Variants in IL1RL2 observed in about 807,000 individuals in gnomAD.
The protein encoded by IL1RL2 is interleukin-1 receptor-like 2.
Under a neutral mutation model 66.8 loss-of-function variants are expected in IL1RL2, and 68 were observed. The ratio of observed to expected loss-of-function variants is 1.02; its 90% confidence interval spans 0.84 to 1.25. The LOEUF (loss-of-function observed/expected upper bound fraction) is 1.25. Among genes scored for constraint, IL1RL2 ranks in the 50% most tolerant of loss-of-function variants. The pLI, the probability that IL1RL2 is intolerant of heterozygous loss-of-function variation, is 0.00. For missense variants in IL1RL2, 729 were observed against 709.3 expected, an observed-to-expected ratio of 1.03 and a Z score of -0.32; for synonymous variants, 305 against 264.6, an observed-to-expected ratio of 1.15 and a Z score of -1.48.
At chr2:102,192,899 T>C (rs1468822737) in intron 4 of IL1RL2, among the ~76,000 whole-genome samples, 2 of 152,214 alleles carry the variant, frequency 1.3e-5, no homozygotes, top group East Asian at 3.8e-4. Flanking sequence ...GTGAGTTTGG[T>C]AAGATTTTGT....
chr2:102,221,963 C>T (rs1690178188), intron 8 of IL1RL2, among the ~76,000 whole-genome samples: 1 of 151,960 alleles, frequency 6.6e-6, no homozygotes, highest in South Asian at 2.1e-4. Flanking sequence ...GAAACTACCA[C>T]CTGGATTAAG....
At position 102,189,224 on chromosome 2, in the gene IL1RL2, A is replaced by G. The variant is rs758252480; in HGVS notation, c.207A>G (p.Ile69Met). 2.5e-6 allele frequency: 4 copies of G among 1,614,120 alleles called. No individual in the cohort carries two copies. The South Asian group carries it at 3.3e-5, about 13-fold the overall frequency. ...NSSKIPVSKI[I>M]QSRIHQDETW... Reference sequence around the variant, plus strand: ...GCAAAATCCCAGTGTCCAAAATCATACAGTCTAGAATTCACCAGGACGAGA... The same window carrying G: ...GCAAAATCCCAGTGTCCAAAATCATGCAGTCTAGAATTCACCAGGACGAGA... The change falls in exon 3 of 12, where the codon ATA becomes ATG. Residue 69 changes from isoleucine to methionine, a missense_variant. Coordinates refer to ENST00000264257, the MANE Select transcript of IL1RL2 (RefSeq NM_003854.4).
intron 3 of IL1RL2, among the ~76,000 whole-genome samples, chr2:102,190,054 C>A (rs1279410307): frequency 6.6e-6 from 1 of 152,186 alleles, no homozygotes; most frequent in Non-Finnish European, 1.5e-5. Context: ...CTGCTTAAGG[C>A]AGGGAGTAAG....
At chr2:102,212,030 T>A in intron 5 of IL1RL2, 70 bp from the exon 6 acceptor site, 1 of 1,110,058 alleles carries the variant, frequency 9.0e-7, no homozygotes, top group Non-Finnish European at 1.4e-6. Flanking sequence ...CTTCATGCTA[T>A]TACATCAAAG....
chr2:102,227,341 G>T (rs1311479770), intron 9 of IL1RL2, among the ~76,000 whole-genome samples: 1 of 152,196 alleles, frequency 6.6e-6, no homozygotes, highest in Non-Finnish European at 1.5e-5. Flanking sequence ...TCAAGTGCTT[G>T]CTTTGCACAT....
intron 9 of IL1RL2, among the ~76,000 whole-genome samples, chr2:102,226,790 G>A (rs192843799): frequency 1.1e-3 from 162 of 152,180 alleles, no homozygotes; most frequent in African/African-American, 3.9e-3. Flanking sequence ...AAGAAAGAAG[G>A]AAGGGAAGAA....
intron 9 of IL1RL2, among the ~76,000 whole-genome samples, chr2:102,229,922 G>T (rs561929705): frequency 6.6e-6 from 1 of 152,162 alleles, no homozygotes; most frequent in South Asian, 2.1e-4. Flanking sequence ...GGGAACATTC[G>T]CAAAAGAGAG....
intron 9 of IL1RL2, among the ~76,000 whole-genome samples, chr2:102,227,381 GT>G (rs1174445421): frequency 1.3e-5 from 2 of 151,882 alleles, no homozygotes; most frequent in East Asian, 3.9e-4. Flanking sequence ...TTGCCCACAT[GT>G]TTGATAAAAC....
chr2:102,242,347 G>A (rs557011151), downstream of IL1RL2, among the ~76,000 whole-genome samples: 1 of 152,204 alleles, frequency 6.6e-6, no homozygotes, highest in African/African-American at 2.4e-5. Flanking sequence ...GGGTTTTCTA[G>A]AGAAACAGAA....
In IL1RL2 at chr2:102,189,270, A is replaced by G. The variant is rs753834474; in HGVS notation, c.253A>G (p.Met85Val). The G allele has an allele frequency of 2.5e-6, 4 of 1,613,356 alleles. No individual in the cohort carries two copies. The highest frequency in any genetic ancestry group is 1.1e-5 in the South Asian group (1 of 91,068). The change falls in exon 3 of 12, where the codon ATG (methionine) becomes GTG (valine). Residue 85 changes from methionine (M) to valine (V), a missense_variant. Physicochemically the swap from Met to Val is conservative, Grantham distance 21. Transcript: ENST00000264257. ...CGAGACTTGGATTTTGTTTCTCCCCATGGAATGGGGGGACTCAGGAGTCTA... is the reference window on the plus strand; with the variant it reads ...CGAGACTTGGATTTTGTTTCTCCCCGTGGAATGGGGGGACTCAGGAGTCTA... ...QDETWILFLP[M>V]EWGDSGVYQC...
At position 102,187,873 on chromosome 2, in the gene IL1RL2, G is replaced by A; in HGVS notation, c.6G>A (p.Trp2Ter). 1 of 1,614,140 alleles carries A rather than the reference G, an allele frequency of 6.2e-7. No homozygotes were observed. Among genetic ancestry groups the A allele is most frequent in the African/African-American group, 1.3e-5 (1 of 75,044 alleles). M[W>*]SLLLCGLSIA... ...CCTTGCAGCCCGGTTTGGGGATGTGGTCCTTGCTGCTCTGCGGGTTGTCCA... is the reference window on the plus strand; with the variant it reads ...CCTTGCAGCCCGGTTTGGGGATGTGATCCTTGCTGCTCTGCGGGTTGTCCA... Residue 2 changes from tryptophan to a stop codon, truncating the protein, a stop_gained, in exon 2 of 12, where the codon TGG (tryptophan) becomes TGA (stop). Transcript: ENST00000264257. LOFTEE classifies it high-confidence loss of function.
Position 102,219,018 on chromosome 2 carries a change from A to G in IL1RL2, c.790A>G (p.Arg264Gly). The G allele has an allele frequency of 6.2e-7, 1 of 1,613,730 alleles. No individual in the cohort carries two copies. Among genetic ancestry groups the G allele is most frequent in the South Asian group, 1.1e-5 (1 of 91,078 alleles). ...GGATAATACAAATCTACGATGCTGGAGAGTCAATAACACTTTGGTGGATGA... is the reference window on the plus strand; with the variant it reads ...GGATAATACAAATCTACGATGCTGGGGAGTCAATAACACTTTGGTGGATGA... Reference protein sequence around the residue: ...TKDNTNLRCWRVNNTLVDDYY... With the variant: ...TKDNTNLRCWGVNNTLVDDYY... The change falls in exon 7 of 12, where the codon AGA becomes GGA. Residue 264 changes from arginine to glycine, a missense_variant. Transcript: ENST00000264257.
At position 102,207,712 on chromosome 2, in the gene IL1RL2, G is replaced by A. The variant is rs193112198; in HGVS notation, c.650-4388G>A. 5.3e-4 allele frequency among the ~76,000 whole-genome samples: 80 copies of A among 152,236 alleles called. No individual in the cohort carries two copies. The East Asian group carries it at 0.015, about 29-fold the overall frequency. On this transcript the variant is annotated intron_variant, in intron 5 of 11. Transcript: ENST00000264257. The stretch of plus-strand genomic sequence containing the variant: ...GTGCAGTCTGGGGTGATAAAGAGGG[G>A]TGATGCCCACACTCCCTTGGCTGCC...
chr2:102,189,937 C>T (rs986178898), intron 3 of IL1RL2, among the ~76,000 whole-genome samples: 1 of 152,184 alleles, frequency 6.6e-6, no homozygotes, highest in Non-Finnish European at 1.5e-5. Context: ...CAGGCCTGAG[C>T]CACCTAGCCC....
chr2:102,236,228 G>T (rs1201771476), intron 11 of IL1RL2, among the ~76,000 whole-genome samples: 2 of 152,240 alleles, frequency 1.3e-5, no homozygotes, highest in Non-Finnish European at 2.9e-5. Flanking sequence ...TGAAGCTGTG[G>T]GTTGTTGACA....
chr2:102,198,562 T>G (rs1327542554), intron 4 of IL1RL2, among the ~76,000 whole-genome samples: 2 of 152,240 alleles, frequency 1.3e-5, no homozygotes, highest in African/African-American at 2.4e-5. Flanking sequence ...TCAACCTGAT[T>G]GTGGCATTCA....
At chr2:102,197,149 A>G (rs1487023277) in intron 4 of IL1RL2, among the ~76,000 whole-genome samples, 2 of 152,174 alleles carry the variant, frequency 1.3e-5, no homozygotes, top group Non-Finnish European at 2.9e-5. Context: ...GAGTAATGTA[A>G]GTAAATAGAT....
At chr2:102,194,802 T>C (rs56240565) in intron 4 of IL1RL2, among the ~76,000 whole-genome samples, 40,420 of 152,014 alleles carry the variant, frequency 0.27, 6,321 homozygotes, top group East Asian at 0.38. Context: ...GGCTGGAGTG[T>C]GGTAGTGCAA....
intron 8 of IL1RL2, among the ~76,000 whole-genome samples, chr2:102,221,825 G>T (rs891000848): frequency 1.3e-5 from 2 of 152,128 alleles, no homozygotes; most frequent in Admixed American, 6.6e-5. Flanking sequence ...GAATCAGCTG[G>T]AATTTTCTTT....
Sources: allele counts gnomAD v4.1 joint callset (sites outside exome capture counted in the v4.1 genomes callset), GRCh38; gene constraint gnomAD v4.1.1; transcripts MANE v1.5; gene names NCBI Gene and HGNC (gene_info 2026-07-23, HGNC 2026-07-21).